Variants in DNAH12 observed in about 807,000 individuals in gnomAD.
DNAH12 encodes the protein dynein axonemal heavy chain 12, also known as axonemal beta dynein heavy chain 12.
A neutral mutation model predicts 371.5 loss-of-function variants in DNAH12; 285 were observed. The observed-to-expected ratio is 0.77, with a 90% CI of 0.70 to 0.85. The LOEUF (loss-of-function observed/expected upper bound fraction) is 0.85. Among genes scored for constraint, DNAH12 ranks in the 40% least tolerant of loss-of-function variants. The probability of loss-of-function intolerance (pLI) is 0.00; values close to 1 mark genes in which losing one functional copy is unlikely to be tolerated. For synonymous variants in DNAH12, 1,200 were observed against 1,213.0 expected, an observed-to-expected ratio of 0.99 and a Z score of 0.22; for missense variants, 3,611 against 3,689.4, an observed-to-expected ratio of 0.98 and a Z score of 0.55.
At position 57,502,389 on chromosome 3, in the gene DNAH12, C is replaced by T; in HGVS notation, c.1177G>A (p.Val393Ile). 3 of 1,614,218 alleles carry T rather than the reference C, an allele frequency of 1.9e-6. No individual in the cohort carries two copies. Among genetic ancestry groups the T allele is most frequent in the Non-Finnish European group, 2.5e-6 (3 of 1,180,044 alleles). Residue 393 changes from valine to isoleucine, a missense_variant, in exon 10 of 74, where the codon GTT becomes ATT. Coordinates refer to ENST00000495027, the MANE Select transcript of DNAH12 (RefSeq NM_001366028.2). ...ELPEHVLHWA[V>I]DTLKAAVHRN... Reference sequence around the variant, plus strand: ...TGTACTGCTGCCTTCAGTGTATCAACAGCCCAGTGTAACACGTGTTCAGGA... The same window carrying T: ...TGTACTGCTGCCTTCAGTGTATCAATAGCCCAGTGTAACACGTGTTCAGGA...
Position 57,458,008 on chromosome 3 carries a change from GGA to G in DNAH12, c.3054-7_3054-6del. On this transcript the variant is annotated splice_polypyrimidine_tract_variant and splice_region_variant and intron_variant, in intron 21 of 73. Transcript: ENST00000495027. ...TCATTAGATAAGAAGAAAAAACTAG[GGA>G]AAAACATGCAAATACAAAAGTTTTA... The G allele has an allele frequency of 7.1e-6, 11 of 1,541,242 alleles. No homozygotes were observed. The highest frequency in any genetic ancestry group is 9.6e-6 in the Non-Finnish European group (11 of 1,142,302).
chr3:57,295,656 G>T (rs187725790), intron 72 of DNAH12, 64 bp from the exon 73 acceptor site: 1 of 1,377,516 alleles, frequency 7.3e-7, no homozygotes, highest in African/African-American at 1.5e-5. Flanking sequence ...AGAACAGATT[G>T]CTACTTAGAT....
In DNAH12 at chr3:57,310,805, A is replaced by G; in HGVS notation, c.10808T>C (p.Val3603Ala). The change falls in exon 67 of 74, where the codon GTT (valine) becomes GCT (alanine). Residue 3603 changes from valine (V) to alanine (A), a missense_variant. Around this residue, in one of 3 missense-constraint regions of DNAH12, gnomAD observed 2,266 missense variants for 2,236.9 expected, o/e 1.01. Transcript: ENST00000495027. ...MLADFYNLYIVENPHYKFSPS... is the reference protein window; with the variant it reads ...MLADFYNLYIAENPHYKFSPS... ...AGAAAACTTATAATGAGGGTTTTCAACTATGTACAGATTATAAAAGTCAGC... is the reference window on the plus strand; with the variant it reads ...AGAAAACTTATAATGAGGGTTTTCAGCTATGTACAGATTATAAAAGTCAGC... 1 of 1,551,686 alleles carries G rather than the reference A, an allele frequency of 6.4e-7. No individual in the cohort carries two copies. The highest frequency in any genetic ancestry group is 2.4e-5 in the East Asian group (1 of 40,902).
Position 57,459,322 on chromosome 3 carries a change from C to T in DNAH12, c.2931+270G>A, listed in dbSNP as rs182430035. Reference sequence around the variant, plus strand: ...TCTATTTATTTTATGAGGAGGAGAGCAGTGAGTGTTTATAGTAGAAGGCAT... The same window carrying T: ...TCTATTTATTTTATGAGGAGGAGAGTAGTGAGTGTTTATAGTAGAAGGCAT... On this transcript the variant is annotated intron_variant, in intron 20 of 73. Coordinates refer to ENST00000495027, the MANE Select transcript of DNAH12 (RefSeq NM_001366028.2). Among the ~76,000 whole-genome samples, 5 of 152,230 alleles carry T rather than the reference C, an allele frequency of 3.3e-5. No individual in the cohort carries two copies. In the East Asian group the frequency reaches 5.8e-4, roughly 18 times the overall value.
At chr3:57,430,978 C>G (rs921983114) in intron 32 of DNAH12, among the ~76,000 whole-genome samples, 2 of 152,210 alleles carry the variant, frequency 1.3e-5, no homozygotes, top group Admixed American at 6.5e-5. Context: ...CACTAATCCA[C>G]ACTTCAAATG....
intron 52 of DNAH12, among the ~76,000 whole-genome samples, 172 bp downstream of exon 52, chr3:57,378,986 C>T (rs1575522298): frequency 6.6e-6 from 1 of 152,210 alleles, no homozygotes; most frequent in Non-Finnish European, 1.5e-5. Context: ...ATGTTATGCA[C>T]AAATATTCTC....
At chr3:57,458,495 G>T (rs1318574556) in intron 20 of DNAH12, among the ~76,000 whole-genome samples, 1 of 152,180 alleles carries the variant, frequency 6.6e-6, no homozygotes, top group Non-Finnish European at 1.5e-5. Context: ...AATGATGTGA[G>T]AAAAGTCTGT....
chr3:57,423,665 C>T (rs1054638587), intron 35 of DNAH12, among the ~76,000 whole-genome samples: 1 of 152,120 alleles, frequency 6.6e-6, no homozygotes, highest in Non-Finnish European at 1.5e-5. Flanking sequence ...GAAAAAGACA[C>T]TAAAAACCTC....
chr3:57,301,585 T>A, intron 70 of DNAH12, 150 bp downstream of exon 70: 3 of 852,256 alleles, frequency 3.5e-6, no homozygotes, highest in Non-Finnish European at 5.3e-6. Flanking sequence ...GACACTCAAG[T>A]GACCACAGCC....
chr3:57,299,564 C>T (rs183322818), intron 70 of DNAH12, among the ~76,000 whole-genome samples: 308 of 151,928 alleles, frequency 2.0e-3, no homozygotes, highest in African/African-American at 7.2e-3. Context: ...TGTTTGTTTT[C>T]CTCCAAAATT....
At chr3:57,304,642 C>A (rs888723576) in intron 69 of DNAH12, among the ~76,000 whole-genome samples, 3 of 152,174 alleles carry the variant, frequency 2.0e-5, no homozygotes, top group African/African-American at 7.2e-5. Context: ...GCAGGGGACA[C>A]CTGCCTGATT....
chr3:57,352,721 C>T (rs2153322498), intron 59 of DNAH12, among the ~76,000 whole-genome samples: 1 of 151,768 alleles, frequency 6.6e-6, no homozygotes, highest in East Asian at 1.9e-4. Context: ...GGAAATGTAA[C>T]AGACAAAGCA....
chr3:57,481,099 G>C (rs1214551660), intron 13 of DNAH12, among the ~76,000 whole-genome samples: 4 of 152,150 alleles, frequency 2.6e-5, no homozygotes, highest in East Asian at 1.9e-4. Context: ...GAAATAAAGG[G>C]TATTCAGTTA....
chr3:57,378,218 G>GAA, intron 52 of DNAH12, among the ~76,000 whole-genome samples: 2 of 152,142 alleles, frequency 1.3e-5, no homozygotes, highest in Middle Eastern at 6.8e-3. Context: ...GGGAAGGCAG[G>GAA]AAAAAGCCTG....
chr3:57,485,887 T>C (rs1350374338), intron 12 of DNAH12, among the ~76,000 whole-genome samples: 3 of 152,056 alleles, frequency 2.0e-5, no homozygotes. Flanking sequence ...TGTACACTAC[T>C]TGAGTGATGG....
intron 25 of DNAH12, among the ~76,000 whole-genome samples, chr3:57,447,480 G>A (rs566850816): frequency 6.6e-6 from 1 of 152,144 alleles, no homozygotes; most frequent in African/African-American, 2.4e-5. Flanking sequence ...TGCATGTAAG[G>A]GGGGTAGGGG....
At chr3:57,326,501 A>G (rs1274650955) in intron 62 of DNAH12, among the ~76,000 whole-genome samples, 1 of 152,142 alleles carries the variant, frequency 6.6e-6, no homozygotes, top group South Asian at 2.1e-4. Flanking sequence ...TTACAGACAA[A>G]CAAATGCTGA....
chr3:57,324,769 A>G (rs2061895992), intron 62 of DNAH12, among the ~76,000 whole-genome samples: 1 of 152,238 alleles, frequency 6.6e-6, no homozygotes, highest in Non-Finnish European at 1.5e-5. Flanking sequence ...AGGGCGAGGC[A>G]TTGCCTCACT....
intron 49 of DNAH12, among the ~76,000 whole-genome samples, chr3:57,384,316 T>G (rs990160105): frequency 0.09 from 13,746 of 151,940 alleles, 2,088 homozygotes; most frequent in African/African-American, 0.31. Flanking sequence ...TAGAATATCC[T>G]CAATGAAAAT....
Sources: allele counts gnomAD v4.1 joint callset (sites outside exome capture counted in the v4.1 genomes callset), GRCh38; gene constraint gnomAD v4.1.1; regional missense constraint gnomAD v4.1.1; transcripts MANE v1.5; gene names NCBI Gene and HGNC (gene_info 2026-07-23, HGNC 2026-07-21).